The following RNF6 variants were observed in gnomAD, a reference collection of about 807,000 sequenced individuals.
The protein encoded by RNF6 is ring finger protein 6, also known as E3 ubiquitin-protein ligase RNF6.
RNF6 carries 21 observed loss-of-function variants against 50.1 expected under a neutral mutation model. The observed-to-expected ratio is 0.42, with a 90% CI of 0.30 to 0.60. The LOEUF (loss-of-function observed/expected upper bound fraction) is 0.60, where lower values mean the gene tolerates loss of function less well. RNF6 is among the 20% of genes least tolerant of loss of function. The pLI is 0.20. For missense variants in RNF6, 698 were observed against 838.2 expected, an observed-to-expected ratio of 0.83 and a Z score of 2.07; for synonymous variants, 255 against 291.8, an observed-to-expected ratio of 0.87 and a Z score of 1.29.
At chr13:26,153,601 C>T (rs932486525) in intron 5 of RNF6, among the ~76,000 whole-genome samples, 12 of 152,066 alleles carry the variant, frequency 7.9e-5, no homozygotes, top group African/African-American at 2.4e-4. Context: ...TGGGAGGAGA[C>T]GTATCTGGTT....
chr13:26,170,205 T>C (rs1451125948), intron 5 of RNF6, among the ~76,000 whole-genome samples: 1 of 149,544 alleles, frequency 6.7e-6, no homozygotes, highest in Non-Finnish European at 1.5e-5. Flanking sequence ...GGGAGCAAAC[T>C]TCCTGTTGAA....
chr13:26,183,943 C>G (rs506272), intron 5 of RNF6, among the ~76,000 whole-genome samples: 1 of 141,096 alleles, frequency 7.1e-6, no homozygotes, highest in African/African-American at 2.7e-5. Context: ...TATAATTATT[C>G]ATATATATAC....
At position 26,139,985 on chromosome 13, in the gene RNF6, C is replaced by A. The variant is rs578083153; in HGVS notation, n.769-7534G>T. ...ATTACAGGCATGAGCCTGTAATGAA[C>A]CTGACCTTATTTCACTTTTTGACTG... On this transcript the variant is annotated intron_variant and non_coding_transcript_variant, in intron 5 of 5. Coordinates refer to the RNF6 transcript ENST00000468480. 5.3e-5 allele frequency among the ~76,000 whole-genome samples: 8 copies of A among 152,212 alleles called. No homozygotes were observed. In the East Asian group the frequency reaches 1.5e-3, roughly 29 times the overall value.
intron 5 of RNF6, among the ~76,000 whole-genome samples, chr13:26,139,904 A>C (rs1870847333): frequency 6.6e-6 from 1 of 151,996 alleles, no homozygotes; most frequent in Non-Finnish European, 1.5e-5. Context: ...GCTCACTGTA[A>C]TCTTGAACTC....
intron 5 of RNF6, among the ~76,000 whole-genome samples, chr13:26,177,921 C>T (rs1297081359): frequency 1.3e-5 from 2 of 152,214 alleles, no homozygotes; most frequent in Non-Finnish European, 2.9e-5. Context: ...TGCAGTGGCT[C>T]ATGTCTGTAA....
At chr13:26,146,183 G>C (rs898123958) in intron 5 of RNF6, among the ~76,000 whole-genome samples, 1 of 152,238 alleles carries the variant, frequency 6.6e-6, no homozygotes, top group Non-Finnish European at 1.5e-5. Flanking sequence ...AAGGCTGGGA[G>C]AAGTGTTAAC....
At chr13:26,159,112 T>G (rs1378699009) in intron 5 of RNF6, among the ~76,000 whole-genome samples, 3 of 152,032 alleles carry the variant, frequency 2.0e-5, no homozygotes, top group Non-Finnish European at 2.9e-5. Context: ...AAAAAATTGC[T>G]AAGAACTTTC....
chr13:26,166,806 G>C (rs1402459684), intron 5 of RNF6, among the ~76,000 whole-genome samples: 1 of 152,146 alleles, frequency 6.6e-6, no homozygotes, highest in Non-Finnish European at 1.5e-5. Context: ...TGTAATCCCA[G>C]ATACTCAGGA....
At chr13:26,174,496 C>CAA (rs3981341) in intron 5 of RNF6, among the ~76,000 whole-genome samples, 87,910 of 149,180 alleles carry the variant, frequency 0.59, 26,988 homozygotes, top group Non-Finnish European at 0.7. Flanking sequence ...ACTAAAAATA[C>CAA]AAAAAAAAAA....
intron 4 of RNF6, 71 bp from the exon 5 acceptor site, chr13:26,215,663 A>G: frequency 7.9e-7 from 1 of 1,267,164 alleles, no homozygotes; most frequent in Non-Finnish European, 1.1e-6. Flanking sequence ...GAAAACTTGT[A>G]AGAAAAACAA....
chr13:26,157,079 G>A (rs1264792261), intron 5 of RNF6, among the ~76,000 whole-genome samples: 1 of 152,124 alleles, frequency 6.6e-6, no homozygotes, highest in Admixed American at 6.5e-5. Context: ...GGGAAACGGG[G>A]AATGACTGCT....
At chr13:26,220,450 T>C (rs1870360159) in intron 2 of RNF6, among the ~76,000 whole-genome samples, 1 of 152,346 alleles carries the variant, frequency 6.6e-6, no homozygotes, top group East Asian at 1.9e-4. Flanking sequence ...TAAGTGTCAC[T>C]CCTGAGAAGC....
chr13:26,201,472 A>G (rs145096119), intron 5 of RNF6, among the ~76,000 whole-genome samples: 2 of 152,310 alleles, frequency 1.3e-5, no homozygotes, highest in Non-Finnish European at 2.9e-5. Flanking sequence ...TAACGGAGGC[A>G]GAAGATAAAT....
rs776811357 is a variant in RNF6, at chr13:26,214,981, T to C, written c.901A>G (p.Ile301Val). ...CTATTGGAAGTAGATCGTAATCTTA[T>C]TGGCTCTAATCTTTGGTTTGTATTC... ...VRNTNQRLEP[I>V]RLRSTSNSRS... The change falls in exon 5 of 5, where the codon ATA becomes GTA. Residue 301 changes from isoleucine to valine, a missense_variant. Physicochemically the swap from Ile to Val is conservative, Grantham distance 29. Transcript: ENST00000381588. 43 of 1,614,130 alleles carry C rather than the reference T, an allele frequency of 2.7e-5. No individual in the cohort carries two copies. Among genetic ancestry groups the C allele is most frequent in the Non-Finnish European group, 3.5e-5 (41 of 1,180,052 alleles).
chr13:26,188,623 C>CTTTTTTTTT (rs1163881143), intron 5 of RNF6, among the ~76,000 whole-genome samples: 644 of 43,270 alleles, frequency 0.015, 189 homozygotes, highest in African/African-American at 0.056. Flanking sequence ...GTCAAAAGAG[C>CTTTTTTTTT]TTTTTTTTTT....
intron 5 of RNF6, among the ~76,000 whole-genome samples, chr13:26,138,104 G>T (rs916878886): frequency 6.6e-6 from 1 of 152,070 alleles, no homozygotes; most frequent in Non-Finnish European, 1.5e-5. Context: ...TTGAAAGCAA[G>T]AAAGAAGCTA....
In RNF6 at chr13:26,148,632, T is replaced by TATATA. The variant is rs1427060316; in HGVS notation, n.769-16182_769-16181insTATAT. ...AATAGAAACAATAGTATAAATCTCT[T>TATATA]TATATATATATATATATATATATAT... On this transcript the variant is annotated intron_variant and non_coding_transcript_variant, in intron 5 of 5. Coordinates refer to the RNF6 transcript ENST00000468480. Among the ~76,000 whole-genome samples, 8 of 47,068 alleles carry TATATA rather than the reference T, an allele frequency of 1.7e-4. No homozygotes were observed. The East Asian group carries it at 2.7e-3, about 16-fold the overall frequency. The allele number at this position is 47,068 out of a possible 152,430, so 30.9% of individuals were successfully genotyped here.
At chr13:26,180,327 A>C (rs1373528837) in intron 5 of RNF6, among the ~76,000 whole-genome samples, 1 of 152,198 alleles carries the variant, frequency 6.6e-6, no homozygotes, top group African/African-American at 2.4e-5. Context: ...TGTCTCAAGC[A>C]ACCCTGCAAC....
chr13:26,144,508 C>T (rs780135589), intron 5 of RNF6, among the ~76,000 whole-genome samples: 1 of 152,060 alleles, frequency 6.6e-6, no homozygotes, highest in Non-Finnish European at 1.5e-5. Context: ...GGCTATAGTC[C>T]ATGAGTCAGT....
Sources: gnomAD v4.1 joint callset for allele counts (sites outside exome capture counted in the v4.1 genomes callset) on GRCh38, gnomAD v4.1.1 for gene constraint, MANE v1.5 for transcripts, NCBI Gene and HGNC (gene_info 2026-07-23, HGNC 2026-07-21) for gene names.